Variants in RDH8 observed in about 807,000 individuals in gnomAD.
RDH8 encodes the protein retinol dehydrogenase 8.
RDH8 carries 14 observed loss-of-function variants against 22.3 expected under a neutral mutation model. That is an observed-to-expected ratio of 0.63 (90% CI 0.42 to 0.98). RDH8 has a LOEUF of 0.98. Ranked by LOEUF, RDH8 falls within the 50% of genes least tolerant of loss-of-function variation. RDH8 has a pLI of 0.00. For missense variants in RDH8, 389 were observed against 409.8 expected (o/e 0.95, Z 0.44); for synonymous variants, 175 against 171.7 (o/e 1.02, Z -0.15).
At chr19:10,020,570 A>C in intron 3 of RDH8, 139 bp from the exon 4 acceptor site, 1 of 638,742 alleles carries the variant, frequency 1.6e-6, no homozygotes, top group East Asian at 2.8e-5. Flanking sequence ...CCATACACCC[A>C]TCATCTTGGC....
rs768165531 is a variant in RDH8 at position 10,018,802 on chromosome 19, G to C, written c.334G>C (p.Asp112His). ...CCTTGCTGCCATGCAGAATGTCTTT[G>C]ACACCAACTTTTTCGGAGCTGTCCG... Reference protein sequence around the residue: ...LSLAAMQNVFDTNFFGAVRLV... With the variant: ...LSLAAMQNVFHTNFFGAVRLV... The change falls in exon 3 of 6, where the codon GAC becomes CAC. Residue 112 changes from aspartate to histidine, a missense_variant. Transcript: ENST00000591589. The C allele has an allele frequency of 2.2e-5, 36 of 1,613,996 alleles. No homozygotes were observed. In the East Asian group the frequency reaches 7.8e-4, roughly 35 times the overall value.
chr19:10,015,428 A>G (rs1023751557), intron 1 of RDH8, among the ~76,000 whole-genome samples: 4 of 151,876 alleles, frequency 2.6e-5, no homozygotes, highest in African/African-American at 9.7e-5. Context: ...ACTCCAGCCT[A>G]AGCGACAGAG....
intron 4 of RDH8, 53 bp from the exon 5 acceptor site, chr19:10,021,202 G>A (rs2087655812): frequency 6.4e-7 from 1 of 1,556,154 alleles, no homozygotes. Context: ...GGACAAAATA[G>A]GTCAGGGAGT....
chr19:10,014,725 C>T (rs1237565041), intron 1 of RDH8, among the ~76,000 whole-genome samples: 3 of 151,988 alleles, frequency 2.0e-5, no homozygotes, highest in Non-Finnish European at 4.4e-5. Flanking sequence ...TTTTAATAGA[C>T]AAGGTTTCAC....
chr19:10,019,908 A>G (rs578247752), intron 3 of RDH8, among the ~76,000 whole-genome samples: 1 of 152,316 alleles, frequency 6.6e-6, no homozygotes, highest in Admixed American at 6.5e-5. Flanking sequence ...TGGGAGGCTG[A>G]GGCTGATGGA....
intron 3 of RDH8, among the ~76,000 whole-genome samples, chr19:10,020,316 AAGAG>A (rs1178852829): frequency 1.5e-5 from 2 of 131,608 alleles, no homozygotes; most frequent in East Asian, 2.5e-4. Context: ...GAAAAAGAAA[AAGAG>A]AGAGAGAGAG....
At chr19:10,015,770 C>G (rs2087608470) in intron 1 of RDH8, among the ~76,000 whole-genome samples, 1 of 151,864 alleles carries the variant, frequency 6.6e-6, no homozygotes, top group Non-Finnish European at 1.5e-5. Flanking sequence ...TGGTGAAACC[C>G]CGTCTCTACT....
chr19:10,021,498 C>T (rs1420095610), intron 5 of RDH8, 36 bp from the exon 6 acceptor site: 4 of 1,613,706 alleles, frequency 2.5e-6, no homozygotes, highest in Admixed American at 3.3e-5. Context: ...GTGAGGCCCT[C>T]CCTGGGTCCC....
chr19:10,015,965 A>ATAT lies in RDH8; in HGVS notation c.104-1092_104-1091insTAT, dbSNP rs1555744166. On this transcript the variant is annotated intron_variant, in intron 1 of 5. Coordinates refer to ENST00000591589, the MANE Select transcript of RDH8 (RefSeq NM_015725.4). Reference sequence around the variant, plus strand: ...GAGTGAAACTTCGTCTCAAAAAAAAAATATATATATATATATGGCTATTCA... The same window carrying ATAT: ...GAGTGAAACTTCGTCTCAAAAAAAAATATATATATATATATATATGGCTATTCA... 1.0e-3 allele frequency among the ~76,000 whole-genome samples: 151 copies of ATAT among 149,714 alleles called. 1 individual carries two copies. The highest frequency in any genetic ancestry group is 3.5e-3 in the African/African-American group (141 of 40,120).
intron 1 of RDH8, among the ~76,000 whole-genome samples, chr19:10,015,702 C>T (rs574894464): frequency 1.0e-3 from 154 of 151,826 alleles, no homozygotes; most frequent in African/African-American, 3.5e-3. Flanking sequence ...GTAATCCCAG[C>T]ACTTTGGGAG....
At chr19:10,017,310 T>C (rs1392169578) in intron 2 of RDH8, 95 bp downstream of exon 2, 1 of 1,301,348 alleles carries the variant, frequency 7.7e-7, no homozygotes, top group Non-Finnish European at 1.0e-6. Flanking sequence ...CTCTGGCTTC[T>C]TCAGCAATCT....
At chr19:10,015,225 A>ACAGAT (rs1431371511) in intron 1 of RDH8, among the ~76,000 whole-genome samples, 8 of 151,784 alleles carry the variant, frequency 5.3e-5, no homozygotes, top group African/African-American at 1.9e-4. Flanking sequence ...GCCTAGGTGG[A>ACAGAT]CAGATCACCT....
At chr19:10,016,124 CTTATTTATT>C (rs1412805576) in intron 1 of RDH8, among the ~76,000 whole-genome samples, 1 of 142,352 alleles carries the variant, frequency 7.0e-6, no homozygotes, top group Non-Finnish European at 1.5e-5. Flanking sequence ...GAAACTTTAT[CTTATTTATT>C]TATTTATTTA....
At position 10,018,791 on chromosome 19, in the gene RDH8, A is replaced by G. The variant is rs932941975; in HGVS notation, c.323A>G (p.Gln108Arg). ...GAGGGGCTCAGCCTTGCTGCCATGCAGAATGTCTTTGACACCAACTTTTTC... is the reference window on the plus strand; with the variant it reads ...GAGGGGCTCAGCCTTGCTGCCATGCGGAATGTCTTTGACACCAACTTTTTC... ...PLEGLSLAAM[Q>R]NVFDTNFFGA... The change falls in exon 3 of 6, where the codon CAG becomes CGG. Residue 108 changes from glutamine to arginine, a missense_variant. Physicochemically the swap from Gln to Arg is conservative, Grantham distance 43. Coordinates refer to ENST00000591589, the MANE Select transcript of RDH8 (RefSeq NM_015725.4). 6.2e-7 allele frequency: 1 copy of G among 1,614,040 alleles called. No individual in the cohort carries two copies. The highest frequency in any genetic ancestry group is 1.3e-5 in the African/African-American group (1 of 75,064).
rs1485646864 is a variant in RDH8 at position 10,017,101 on chromosome 19, G to A, written c.148G>A (p.Ala50Thr). Reference sequence around the variant, plus strand: ...CCTGGGGAAGAAGGAGACACTGGAGGCAGCTGCTGGGGAGGCTCTGGGGCA... The same window carrying A: ...CCTGGGGAAGAAGGAGACACTGGAGACAGCTGCTGGGGAGGCTCTGGGGCA... The part of the protein sequence containing the change: ...RDLGKKETLE[A>T]AAGEALGQTL... Residue 50 changes from alanine (A) to threonine (T), a missense_variant, in exon 2 of 6, where the codon GCA becomes ACA. Ala to Thr is a moderately conservative substitution (Grantham distance 58). Transcript: ENST00000591589. 6.2e-7 allele frequency: 1 copy of A among 1,602,606 alleles called. No homozygotes were observed. Among genetic ancestry groups the A allele is most frequent in the Non-Finnish European group, 8.5e-7 (1 of 1,172,510 alleles).
intron 2 of RDH8, among the ~76,000 whole-genome samples, chr19:10,017,466 C>A (rs2087627791): frequency 6.6e-6 from 1 of 152,020 alleles, no homozygotes; most frequent in African/African-American, 2.4e-5. Flanking sequence ...ATTGACCAGC[C>A]TCAGCAAAAT....
chr19:10,013,644 G>A (rs747476055), intron 1 of RDH8, 44 bp downstream of exon 1: 18 of 1,606,796 alleles, frequency 1.1e-5, no homozygotes, highest in African/African-American at 4.0e-5. Context: ...GGGTGGAAAC[G>A]GCTTCCCCAG....
intron 1 of RDH8, among the ~76,000 whole-genome samples, chr19:10,014,473 G>C (rs375554974): frequency 6.6e-6 from 1 of 152,272 alleles, no homozygotes; most frequent in South Asian, 2.1e-4. Flanking sequence ...CTGAATCCAG[G>C]AAGTCATTTA....
chr19:10,016,967 G>C lies in RDH8; in HGVS notation c.104-90G>C, dbSNP rs2087623001. ...AACTTGTGAGTTTCCATCTCTCTGT[G>C]ACTTGTAACGCAAGATCACAGACAC... On this transcript the variant is annotated intron_variant, in intron 1 of 5. Coordinates refer to ENST00000591589, the MANE Select transcript of RDH8 (RefSeq NM_015725.4). 9 of 1,338,882 alleles carry C rather than the reference G, an allele frequency of 6.7e-6. No individual in the cohort carries two copies. The South Asian group carries it at 1.6e-4, about 24-fold the overall frequency. The allele number at this position is 1,338,882 out of a possible 1,614,324, so 82.9% of individuals were successfully genotyped here.
Sources: gnomAD v4.1 joint callset for allele counts (sites outside exome capture counted in the v4.1 genomes callset) on GRCh38, gnomAD v4.1.1 for gene constraint, MANE v1.5 for transcripts, NCBI Gene and HGNC (gene_info 2026-07-23, HGNC 2026-07-21) for gene names.